The following OSBPL6 variants were observed in gnomAD, a reference collection of about 807,000 sequenced individuals.
OSBPL6 encodes oxysterol binding protein like 6, also known as oxysterol-binding protein-related protein 6.
Under a neutral mutation model 125.8 loss-of-function variants are expected in OSBPL6, and 49 were observed. That is an observed-to-expected ratio of 0.39 (90% CI 0.31 to 0.49). The LOEUF is 0.49. OSBPL6 is among the 20% of genes least tolerant of loss of function. The pLI is 0.88. For synonymous variants in OSBPL6, 394 were observed against 391.8 expected (o/e 1.01, Z -0.07); for missense variants, 986 against 1,135.4 (o/e 0.87, Z 1.89).
At chr2:178,382,543 A>C in intron 16 of OSBPL6, 36 bp downstream of exon 16, 1 of 1,613,538 alleles carries the variant, frequency 6.2e-7, no homozygotes, top group Non-Finnish European at 8.5e-7. Context: ...TGTTCTATCT[A>C]CATGCCAAAT....
intron 3 of OSBPL6, chr2:178,320,552 TG>T: frequency 2.6e-6 from 2 of 762,364 alleles, no homozygotes; most frequent in Non-Finnish European, 4.2e-6. Context: ...GCTTACATAA[TG>T]TGTGTAACAC....
At chr2:178,298,696 T>TTTTG (rs1177583155) in intron 2 of OSBPL6, among the ~76,000 whole-genome samples, 14 of 141,586 alleles carry the variant, frequency 9.9e-5, no homozygotes, top group African/African-American at 3.6e-4. Context: ...TTTTAGTTGC[T>TTTTG]TTTTTTTTTG....
At chr2:178,356,447 GACAA>G (rs1474671646) in intron 12 of OSBPL6, among the ~76,000 whole-genome samples, 15 of 152,054 alleles carry the variant, frequency 9.9e-5, no homozygotes, top group African/African-American at 3.4e-4. Context: ...ACCAATAACA[GACAA>G]ACAGAGAGCC....
chr2:178,346,673 A>G (rs557041214), intron 11 of OSBPL6, among the ~76,000 whole-genome samples: 1 of 152,294 alleles, frequency 6.6e-6, no homozygotes, highest in East Asian at 1.9e-4. Context: ...TCCAACCATC[A>G]CTGACAGAGA....
At chr2:178,259,605 A>G (rs2091993405) in intron 1 of OSBPL6, among the ~76,000 whole-genome samples, 1 of 152,144 alleles carries the variant, frequency 6.6e-6, no homozygotes, top group Admixed American at 6.5e-5. Context: ...GGAAGAGAAC[A>G]CAGAACCCCC....
At chr2:178,349,501 G>A in intron 12 of OSBPL6, 112 bp downstream of exon 12, 2 of 1,303,928 alleles carry the variant, frequency 1.5e-6, no homozygotes, top group Non-Finnish European at 2.1e-6. Context: ...TAAATGGTTG[G>A]ATATAGTGGT....
At chr2:178,285,805 C>T (rs1684644698) in intron 2 of OSBPL6, among the ~76,000 whole-genome samples, 1 of 152,220 alleles carries the variant, frequency 6.6e-6, no homozygotes, top group Non-Finnish European at 1.5e-5. Flanking sequence ...CATTAATCGT[C>T]TTCGGGAGCT....
chr2:178,397,253 T>G lies in OSBPL6; in HGVS notation c.*1694T>G, dbSNP rs2154122055. The G allele has an allele frequency of 6.6e-6, 1 of 152,374 alleles. No individual in the cohort carries two copies. Among genetic ancestry groups the G allele is most frequent in the Non-Finnish European group, 1.5e-5 (1 of 68,042 alleles). The allele number at this position is 152,374 out of a possible 1,614,324, so 9.4% of individuals were successfully genotyped here. A position where few individuals can be genotyped will look rare whatever the true frequency, so the allele number is the denominator to read the frequency against. ...AAACTCCTCCCTTGCATCTGAGTTTTTATGTTATGTGTACAGTCTGCATTA... is the reference window on the plus strand; with the variant it reads ...AAACTCCTCCCTTGCATCTGAGTTTGTATGTTATGTGTACAGTCTGCATTA... On this transcript the variant is annotated 3_prime_UTR_variant, in exon 25 of 25. Coordinates refer to ENST00000190611, the MANE Select transcript of OSBPL6 (RefSeq NM_032523.4).
chr2:178,202,854 C>A lies in OSBPL6; in HGVS notation c.-351+8180C>A, dbSNP rs1410522682. Among the ~76,000 whole-genome samples the A allele has an allele frequency of 4.0e-5, 6 of 149,504 alleles. No homozygotes were observed. The East Asian group carries it at 1.2e-3, about 29-fold the overall frequency. ...AAAAAAAGAAAGAAAGAAAAAGATT[C>A]TTTTTATCATTGGTGTTGAGTAATT... is the stretch of plus-strand genomic sequence containing the variant. On this transcript the variant is annotated intron_variant, in intron 1 of 24. Coordinates refer to ENST00000190611, the MANE Select transcript of OSBPL6 (RefSeq NM_032523.4).
At chr2:178,345,965 C>G (rs1690669722) in intron 11 of OSBPL6, among the ~76,000 whole-genome samples, 1 of 152,084 alleles carries the variant, frequency 6.6e-6, no homozygotes, top group South Asian at 2.1e-4. Context: ...TGCCCACCTC[C>G]CAGGGTGACT....
At chr2:178,389,907 C>G (rs996622968) in intron 21 of OSBPL6, among the ~76,000 whole-genome samples, 2 of 152,058 alleles carry the variant, frequency 1.3e-5, no homozygotes, top group African/African-American at 4.8e-5. Context: ...TCAGTTAAAT[C>G]CTTTTAAGCC....
At chr2:178,241,943 G>T (rs145651576) in intron 1 of OSBPL6, among the ~76,000 whole-genome samples, 1 of 152,248 alleles carries the variant, frequency 6.6e-6, no homozygotes, top group East Asian at 1.9e-4. Context: ...ACAGTATTCA[G>T]TACAATAACA....
At chr2:178,228,517 A>G (rs2153977675) in intron 1 of OSBPL6, among the ~76,000 whole-genome samples, 1 of 152,358 alleles carries the variant, frequency 6.6e-6, no homozygotes, top group South Asian at 2.1e-4. Flanking sequence ...CCAGGGTGAC[A>G]GAGCGAGACT....
intron 18 of OSBPL6, 35 bp downstream of exon 18, chr2:178,384,211 A>G (rs753506914): frequency 1.8e-5 from 29 of 1,601,364 alleles, no homozygotes; most frequent in Non-Finnish European, 2.4e-5. Context: ...GTTTCTATAT[A>G]GGTAAGAGGA....
chr2:178,335,979 G>C (rs1574902566), intron 8 of OSBPL6, among the ~76,000 whole-genome samples: 2 of 152,202 alleles, frequency 1.3e-5, no homozygotes, highest in Non-Finnish European at 2.9e-5. Context: ...GAGTACTGCA[G>C]TAAGGACACT....
intron 1 of OSBPL6, among the ~76,000 whole-genome samples, chr2:178,256,146 A>G (rs1299347323): frequency 6.6e-6 from 1 of 152,210 alleles, no homozygotes; most frequent in Non-Finnish European, 1.5e-5. Context: ...AAAGCTGTGC[A>G]GTTCTGTGAT....
In OSBPL6 at chr2:178,399,433, A is replaced by T. The variant is rs144947317; in HGVS notation, c.*3874A>T. On this transcript the variant is annotated 3_prime_UTR_variant, in exon 25 of 25. Transcript: ENST00000190611. ...TTGTTTAATACATAATTGTAAGAGC[A>T]TATATTTGTTATTGAATTGAAAGAC... 22 of 152,356 alleles carry T rather than the reference A, an allele frequency of 1.4e-4. No homozygotes were observed. The highest frequency in any genetic ancestry group is 3.6e-4 in the African/African-American group (15 of 41,602). 9.4% of individuals were successfully genotyped at this position (152,356 alleles called of 1,614,324 possible).
chr2:178,263,517 G>T (rs1197059934), intron 1 of OSBPL6, among the ~76,000 whole-genome samples: 1 of 152,190 alleles, frequency 6.6e-6, no homozygotes, highest in Non-Finnish European at 1.5e-5. Flanking sequence ...AAGAAGATTT[G>T]CAATCCTCTA....
chr2:178,197,108 T>G (rs1314215846), intron 1 of OSBPL6, among the ~76,000 whole-genome samples: 1 of 152,186 alleles, frequency 6.6e-6, no homozygotes, highest in Non-Finnish European at 1.5e-5. Context: ...GTGTTTCTCT[T>G]GGGTTAATAC....
Sources: gnomAD v4.1 joint callset for allele counts (sites outside exome capture counted in the v4.1 genomes callset) on GRCh38, gnomAD v4.1.1 for gene constraint, MANE v1.5 for transcripts, NCBI Gene and HGNC (gene_info 2026-07-23, HGNC 2026-07-21) for gene names.